Variants in GPC6 observed in about 807,000 individuals in gnomAD.
GPC6 encodes glypican 6.
GPC6 carries 14 observed loss-of-function variants against 55.2 expected under a neutral mutation model. The observed-to-expected ratio is 0.25, with a 90% confidence interval of 0.17 to 0.40. The LOEUF (loss-of-function observed/expected upper bound fraction) is 0.40. Ranked by LOEUF, GPC6 falls within the 10% of genes least tolerant of loss-of-function variation. GPC6 has a pLI of 1.00. For synonymous variants in GPC6, 278 were observed against 259.6 expected, an observed-to-expected ratio of 1.07 and a Z score of -0.68; for missense variants, 641 against 708.5, an observed-to-expected ratio of 0.90 and a Z score of 1.08.
At chr13:93,616,042 G>A (rs903921262) in intron 2 of GPC6, among the ~76,000 whole-genome samples, 6 of 152,026 alleles carry the variant, frequency 3.9e-5, no homozygotes, top group Non-Finnish European at 8.8e-5. Context: ...GTACTTGTAC[G>A]TATTTAAGAA....
intron 4 of GPC6, among the ~76,000 whole-genome samples, chr13:94,235,046 TAAC>T (rs1440781752): frequency 1.3e-5 from 2 of 152,132 alleles, no homozygotes; most frequent in Admixed American, 1.3e-4. Context: ...TGCATAGAGT[TAAC>T]AAGGCTGTAC....
At chr13:93,572,188 G>GC (rs1876438444) in intron 2 of GPC6, among the ~76,000 whole-genome samples, 1 of 152,150 alleles carries the variant, frequency 6.6e-6, no homozygotes, top group African/African-American at 2.4e-5. Context: ...CTTTCAGGAA[G>GC]CCCTTTGAGC....
At chr13:93,333,711 T>C (rs1410479564) in intron 1 of GPC6, among the ~76,000 whole-genome samples, 3 of 151,990 alleles carry the variant, frequency 2.0e-5, no homozygotes, top group Non-Finnish European at 4.4e-5. Context: ...TACATTTCTC[T>C]ATTTTTTGTA....
chr13:94,128,839 G>A (rs148002123), intron 4 of GPC6, among the ~76,000 whole-genome samples: 1 of 152,266 alleles, frequency 6.6e-6, no homozygotes, highest in African/African-American at 2.4e-5. Flanking sequence ...AATCACAAAT[G>A]TGTCAAACAA....
intron 3 of GPC6, among the ~76,000 whole-genome samples, chr13:94,023,077 AT>A (rs541877912): frequency 1.7e-3 from 260 of 152,220 alleles, no homozygotes; most frequent in African/African-American, 5.8e-3. Flanking sequence ...AACTAAAAAA[AT>A]AATCTCAGCT....
chr13:93,253,660 T>C (rs895597694), intron 1 of GPC6, among the ~76,000 whole-genome samples: 1 of 152,130 alleles, frequency 6.6e-6, no homozygotes, highest in Non-Finnish European at 1.5e-5. Flanking sequence ...TTCTTTGATA[T>C]AAATGGATGA....
chr13:93,742,699 C>T (rs1180399313), intron 2 of GPC6, among the ~76,000 whole-genome samples: 2 of 152,120 alleles, frequency 1.3e-5, no homozygotes, highest in African/African-American at 4.8e-5. Context: ...TATCAAAGAT[C>T]ATCACACTGA....
intron 1 of GPC6, among the ~76,000 whole-genome samples, chr13:93,502,991 C>T (rs182426393): frequency 2.5e-3 from 381 of 152,210 alleles, no homozygotes; most frequent in South Asian, 0.013. Context: ...AGAGTTTAAA[C>T]ATTTGCCAAC....
At chr13:93,833,107 T>G (rs1462160684) in intron 3 of GPC6, among the ~76,000 whole-genome samples, 218 of 108,980 alleles carry the variant, frequency 2.0e-3, no homozygotes, top group East Asian at 4.2e-3. Context: ...AGGTAGATGA[T>G]AGAGAGAGAG....
intron 1 of GPC6, among the ~76,000 whole-genome samples, chr13:93,529,719 C>A (rs1881792256): frequency 6.6e-6 from 1 of 151,742 alleles, no homozygotes; most frequent in East Asian, 2.0e-4. Flanking sequence ...TTTTTACCAC[C>A]TGGGCCAGGC....
intron 1 of GPC6, among the ~76,000 whole-genome samples, chr13:93,310,646 T>A (rs1879035449): frequency 6.6e-6 from 1 of 152,198 alleles, no homozygotes; most frequent in Non-Finnish European, 1.5e-5. Context: ...AAAGTTAGTC[T>A]ACTATATATT....
chr13:94,315,389 T>A (rs1037640559), intron 6 of GPC6, among the ~76,000 whole-genome samples: 1 of 152,214 alleles, frequency 6.6e-6, no homozygotes, highest in Non-Finnish European at 1.5e-5. Context: ...CTACATGTGG[T>A]CATCACCCTT....
At chr13:94,286,573 T>A in intron 5 of GPC6, 94 bp downstream of exon 5, 1 of 1,080,432 alleles carries the variant, frequency 9.3e-7, no homozygotes, top group Non-Finnish European at 1.4e-6. Context: ...GCTGGGCTTA[T>A]AAATTCTAAT....
chr13:93,379,080 T>C (rs1306535548), intron 1 of GPC6, among the ~76,000 whole-genome samples: 3 of 152,048 alleles, frequency 2.0e-5, no homozygotes, highest in Admixed American at 1.3e-4. Flanking sequence ...AAGAATGACT[T>C]TCTAACAAGG....
At chr13:93,941,568 A>T (rs1429327621) in intron 3 of GPC6, among the ~76,000 whole-genome samples, 2 of 152,318 alleles carry the variant, frequency 1.3e-5, no homozygotes, top group Admixed American at 6.5e-5. Flanking sequence ...TTATATTTTC[A>T]AAAGCTTGTA....
At position 94,213,642 on chromosome 13, in the gene GPC6, C is replaced by T. The variant is rs111580866; in HGVS notation, c.878-72707C>T. Reference sequence around the variant, plus strand: ...CTTGCCTCGGTTCCATGTGTTTTGTCACCCTCCAGCATCCCAGCCCCGGCT... The same window carrying T: ...CTTGCCTCGGTTCCATGTGTTTTGTTACCCTCCAGCATCCCAGCCCCGGCT... On this transcript the variant is annotated intron_variant, in intron 4 of 8. Transcript: ENST00000377047. Among the ~76,000 whole-genome samples, 623 of 152,222 alleles carry T rather than the reference C, an allele frequency of 4.1e-3. 11 individuals carry two copies. Among genetic ancestry groups the T allele is most frequent in the African/African-American group, 0.014 (598 of 41,536 alleles).
intron 1 of GPC6, among the ~76,000 whole-genome samples, chr13:93,283,640 G>C (rs1268293462): frequency 6.6e-6 from 1 of 152,200 alleles, no homozygotes; most frequent in African/African-American, 2.4e-5. Context: ...GTGAATGTGA[G>C]AAATTACATG....
chr13:93,633,337 T>A (rs1204817083), intron 2 of GPC6, among the ~76,000 whole-genome samples: 1 of 152,314 alleles, frequency 6.6e-6, no homozygotes, highest in Non-Finnish European at 1.5e-5. Context: ...AGAGGCAAGA[T>A]AGTTCCCAGC....
At position 93,436,236 on chromosome 13, in the gene GPC6, C is replaced by T. The variant is rs534139320; in HGVS notation, c.161-109027C>T. On this transcript the variant is annotated intron_variant, in intron 1 of 8. Coordinates refer to ENST00000377047, the MANE Select transcript of GPC6 (RefSeq NM_005708.5). ...GGAATACATATGGAGGAAAAAATGT[C>T]ATTGTAAATGACATTGAAATCATCT... Among the ~76,000 whole-genome samples, 6 of 151,986 alleles carry T rather than the reference C, an allele frequency of 3.9e-5. No homozygotes were observed. The South Asian group carries it at 1.3e-3, about 32-fold the overall frequency.
Sources: allele counts gnomAD v4.1 joint callset (sites outside exome capture counted in the v4.1 genomes callset), GRCh38; gene constraint gnomAD v4.1.1; transcripts MANE v1.5; gene names NCBI Gene and HGNC (gene_info 2026-07-23, HGNC 2026-07-21).